The following BACH2 variants were observed in gnomAD, a reference collection of about 807,000 sequenced individuals.
The protein encoded by BACH2 is transcription regulator protein BACH2.
A neutral mutation model predicts 61.8 loss-of-function variants in BACH2; 5 were observed. The observed-to-expected ratio is 0.08, with a 90% CI of 0.04 to 0.17. The LOEUF (loss-of-function observed/expected upper bound fraction) is 0.17. Among genes scored for constraint, BACH2 ranks in the 10% least tolerant of loss-of-function variants. BACH2 has a pLI of 1.00. For synonymous variants in BACH2, 446 were observed against 440.1 expected (o/e 1.01, Z -0.17); for missense variants, 824 against 1,091.1 (o/e 0.76, Z 3.45).
chr6:90,258,882 C>T (rs9351236), intron 2 of BACH2, among the ~76,000 whole-genome samples: 15,393 of 151,966 alleles, frequency 0.1, 1,091 homozygotes, highest in East Asian at 0.36. Context: ...TGAAAAAAAA[C>T]GCAACTGATT....
intron 1 of BACH2, among the ~76,000 whole-genome samples, chr6:90,296,156 C>T (rs954744716): frequency 2.0e-5 from 3 of 152,124 alleles, no homozygotes; most frequent in South Asian, 2.1e-4. Context: ...TTACTCTCTG[C>T]TCCTCCTCCC....
chr6:90,134,403 T>C (rs1784206010), intron 4 of BACH2, among the ~76,000 whole-genome samples: 6 of 152,226 alleles, frequency 3.9e-5, no homozygotes. Context: ...CTGTTTGTAG[T>C]ATCAACCTAG....
intron 6 of BACH2, among the ~76,000 whole-genome samples, chr6:89,996,103 T>C (rs185252623): frequency 9.7e-4 from 148 of 152,336 alleles, no homozygotes; most frequent in African/African-American, 3.5e-3. Flanking sequence ...TCCTCCTATC[T>C]GTCTATACCT....
At chr6:90,164,161 T>C (rs889875418) in intron 4 of BACH2, among the ~76,000 whole-genome samples, 6 of 152,070 alleles carry the variant, frequency 3.9e-5, no homozygotes, top group South Asian at 4.1e-4. Context: ...ATTGATAGAC[T>C]GCTAGCAAGA....
chr6:90,017,501 C>G (rs1166941872), intron 5 of BACH2, among the ~76,000 whole-genome samples: 1 of 152,142 alleles, frequency 6.6e-6, no homozygotes, highest in African/African-American at 2.4e-5. Context: ...GGATCACAGG[C>G]TTGAGTCATC....
At chr6:90,190,917 C>T (rs1582467605) in intron 4 of BACH2, among the ~76,000 whole-genome samples, 1 of 152,170 alleles carries the variant, frequency 6.6e-6, no homozygotes, top group Non-Finnish European at 1.5e-5. Flanking sequence ...TCGGCAGAAA[C>T]TATGAGAAAG....
At chr6:89,974,707 C>G (rs1424475388) in intron 6 of BACH2, among the ~76,000 whole-genome samples, 6 of 152,190 alleles carry the variant, frequency 3.9e-5, no homozygotes, top group South Asian at 2.1e-4. Context: ...GCATATGTAT[C>G]TTTTTCGTGG....
chr6:90,159,661 G>T (rs1785121118), intron 4 of BACH2, among the ~76,000 whole-genome samples: 1 of 148,798 alleles, frequency 6.7e-6, no homozygotes, highest in Admixed American at 6.7e-5. Context: ...CTCTAGATCA[G>T]ATGTAGCTGG....
intron 7 of BACH2, among the ~76,000 whole-genome samples, chr6:89,947,850 T>C (rs551248944): frequency 3.2e-4 from 48 of 152,104 alleles, no homozygotes; most frequent in South Asian, 4.1e-4. Flanking sequence ...GCATTACAGG[T>C]GTGAGCCACC....
intron 4 of BACH2, among the ~76,000 whole-genome samples, chr6:90,165,033 T>A (rs1464131767): frequency 6.6e-6 from 1 of 152,196 alleles, no homozygotes; most frequent in Non-Finnish European, 1.5e-5. Flanking sequence ...TCACCACTCT[T>A]ATTCAACATA....
chr6:89,942,684 A>C (rs1025326874), intron 7 of BACH2, among the ~76,000 whole-genome samples: 1 of 152,102 alleles, frequency 6.6e-6, no homozygotes, highest in African/African-American at 2.4e-5. Context: ...CGAGGGATTC[A>C]TGGGCGCCAC....
At chr6:89,932,940 G>T in intron 8 of BACH2, 50 bp from the exon 9 acceptor site, 1 of 1,510,234 alleles carries the variant, frequency 6.6e-7, no homozygotes, top group Non-Finnish European at 8.9e-7. Flanking sequence ...TGAACTGGAG[G>T]ACAGAAGGCC....
intron 5 of BACH2, among the ~76,000 whole-genome samples, chr6:90,025,275 T>G (rs184435115): frequency 1.3e-5 from 2 of 152,310 alleles, no homozygotes; most frequent in Admixed American, 1.3e-4. Context: ...ACTGGTCTTT[T>G]TTATATGTTG....
At chr6:90,173,597 A>C (rs991811605) in intron 4 of BACH2, among the ~76,000 whole-genome samples, 2 of 152,172 alleles carry the variant, frequency 1.3e-5, no homozygotes, top group Non-Finnish European at 2.9e-5. Context: ...GTATGATTTC[A>C]TTTGTATGAC....
intron 4 of BACH2, among the ~76,000 whole-genome samples, chr6:90,113,039 C>T (rs1345065735): frequency 6.6e-6 from 1 of 152,170 alleles, no homozygotes; most frequent in African/African-American, 2.4e-5. Flanking sequence ...ATGTTCAATT[C>T]AACAAGAACA....
intron 6 of BACH2, among the ~76,000 whole-genome samples, chr6:89,980,220 G>A (rs902482544): frequency 6.6e-6 from 1 of 151,960 alleles, no homozygotes; most frequent in African/African-American, 2.4e-5. Context: ...CTTGAACCCA[G>A]GAGGCAGAGG....
At position 90,280,373 on chromosome 6, in the gene BACH2, C is replaced by G. The variant is rs374398025; in HGVS notation, c.-445-8432G>C. Among the ~76,000 whole-genome samples the G allele has an allele frequency of 2.4e-3, 366 of 152,184 alleles. 3 individuals are homozygous for G. Among genetic ancestry groups the G allele is most frequent in the African/African-American group, 8.6e-3 (357 of 41,520 alleles). ...ATAGGTGCCCAAATACATAAGCAAC[C>G]TAACTTTGACATCGGGGGAAACTGG... On this transcript the variant is annotated intron_variant, in intron 1 of 8. Transcript: ENST00000257749.
chr6:90,156,510 A>G (rs1471497220), intron 4 of BACH2, among the ~76,000 whole-genome samples: 2 of 152,206 alleles, frequency 1.3e-5, no homozygotes, highest in Non-Finnish European at 1.5e-5. Context: ...CTCATGGTTT[A>G]CTTCAGGGGA....
rs1295984567 is a variant in BACH2 at position 90,058,704 on chromosome 6, C to T, written c.-13+30257G>A. On this transcript the variant is annotated intron_variant, in intron 5 of 8. Coordinates refer to ENST00000257749, the MANE Select transcript of BACH2 (RefSeq NM_021813.4). ...CAAAAGAACAAAGCTGGAGGCATCA[C>T]ACTAGCTGACTTCAAACTATACTAC... Among the ~76,000 whole-genome samples, 6 of 152,152 alleles carry T rather than the reference C, an allele frequency of 3.9e-5. No individual in the cohort carries two copies. The East Asian group carries it at 7.7e-4, about 20-fold the overall frequency.
Sources: gnomAD v4.1 joint callset for allele counts (sites outside exome capture counted in the v4.1 genomes callset) on GRCh38, gnomAD v4.1.1 for gene constraint, MANE v1.5 for transcripts, NCBI Gene and HGNC (gene_info 2026-07-23, HGNC 2026-07-21) for gene names.